GLIS1: variants seen among roughly 807,000 people sequenced by gnomAD.
GLIS1 encodes GLIS family zinc finger 1.
Under a neutral mutation model 63.8 loss-of-function variants are expected in GLIS1, and 24 were observed. The observed-to-expected ratio is 0.38, with a 90% CI of 0.27 to 0.53. GLIS1 has a LOEUF of 0.53. Among genes scored for constraint, GLIS1 ranks in the 20% least tolerant of loss-of-function variants. GLIS1 has a pLI of 0.85. For synonymous variants in GLIS1, 450 were observed against 482.5 expected (o/e 0.93, Z 0.88); for missense variants, 1,036 against 1,074.1 (o/e 0.96, Z 0.50).
chr1:53,592,714 C>A (rs1645204425), intron 4 of GLIS1, among the ~76,000 whole-genome samples: 1 of 152,244 alleles, frequency 6.6e-6, no homozygotes, highest in Non-Finnish European at 1.5e-5. Flanking sequence ...CTGTCCAATG[C>A]ACTCTCCCCA....
Position 53,524,902 on chromosome 1 carries a change from G to T in GLIS1, c.1483-15C>A. The T allele has an allele frequency of 6.3e-7, 1 of 1,580,920 alleles. No homozygotes were observed. The highest frequency in any genetic ancestry group is 2.2e-5 in the East Asian group (1 of 44,798). On this transcript the variant is annotated splice_polypyrimidine_tract_variant and intron_variant, in intron 5 of 10. Coordinates refer to ENST00000628545, the MANE Select transcript of GLIS1 (RefSeq NM_001367484.1). ...GCGTACGGCTTCTGTAACATGGGGG[G>T]CACGGGTGGGGTGAGTGAGGCCCAT...
intron 2 of GLIS1, among the ~76,000 whole-genome samples, chr1:53,673,126 C>CTT (rs1473487825): frequency 3.9e-5 from 6 of 152,178 alleles, no homozygotes; most frequent in Admixed American, 1.3e-4. Flanking sequence ...TCTGGGTCCC[C>CTT]ACAAGCCCCC....
intron 3 of GLIS1, among the ~76,000 whole-genome samples, chr1:53,599,715 A>C (rs949596562): frequency 6.6e-6 from 1 of 152,216 alleles, no homozygotes; most frequent in Non-Finnish European, 1.5e-5. Context: ...TCTGTGGGCC[A>C]TGGTCTCCTG....
chr1:53,658,697 G>T (rs1187982802), intron 2 of GLIS1, among the ~76,000 whole-genome samples: 1 of 152,192 alleles, frequency 6.6e-6, no homozygotes, highest in African/African-American at 2.4e-5. Context: ...TAGCCTGACT[G>T]CACTGGTGCT....
At position 53,675,991 on chromosome 1, in the gene GLIS1, GA is replaced by G. The variant is rs917363368; in HGVS notation, c.259+61814del. Among the ~76,000 whole-genome samples, 24 of 151,760 alleles carry G rather than the reference GA, an allele frequency of 1.6e-4. No homozygotes were observed. In the East Asian group the frequency reaches 4.2e-3, roughly 27 times the overall value. Reference sequence around the variant, plus strand: ...AATCCCCAGGCAAAAGCAGGAGGGGGAAAAAAGGCACAGTTAAGATGTGAAA... The same window carrying G: ...AATCCCCAGGCAAAAGCAGGAGGGGGAAAAAGGCACAGTTAAGATGTGAAA... On this transcript the variant is annotated intron_variant, in intron 2 of 10. Coordinates refer to ENST00000628545, the MANE Select transcript of GLIS1 (RefSeq NM_001367484.1).
intron 2 of GLIS1, among the ~76,000 whole-genome samples, chr1:53,614,181 G>A (rs145790631): frequency 2.6e-5 from 4 of 152,138 alleles, no homozygotes; most frequent in South Asian, 4.2e-4. Context: ...ACTCTTATGC[G>A]GTTTACATTC....
chr1:53,649,337 C>A (rs767569888), intron 2 of GLIS1, among the ~76,000 whole-genome samples: 13 of 152,242 alleles, frequency 8.5e-5, no homozygotes, highest in Admixed American at 3.9e-4. Flanking sequence ...ATGTTCTGTA[C>A]GACTGCAGCT....
At chr1:53,728,195 A>C (rs1225220977) in intron 2 of GLIS1, among the ~76,000 whole-genome samples, 2 of 152,220 alleles carry the variant, frequency 1.3e-5, no homozygotes, top group Non-Finnish European at 2.9e-5. Flanking sequence ...GTAATAAGAA[A>C]GGGAAGACTT....
chr1:53,528,582 G>A (rs1644495677), intron 5 of GLIS1, among the ~76,000 whole-genome samples: 1 of 152,146 alleles, frequency 6.6e-6, no homozygotes. Context: ...CAAGAACATT[G>A]CTTCCCTGCT....
At chr1:53,550,574 G>A (rs1644747958) in intron 4 of GLIS1, among the ~76,000 whole-genome samples, 1 of 152,190 alleles carries the variant, frequency 6.6e-6, no homozygotes, top group Non-Finnish European at 1.5e-5. Context: ...AACTATGAGT[G>A]GCGGAAGATA....
Position 53,600,215 on chromosome 1 carries a change from G to A in GLIS1, c.323C>T (p.Ala108Val). The A allele has an allele frequency of 2.4e-6, 3 of 1,232,056 alleles. No individual in the cohort carries two copies. Among genetic ancestry groups the A allele is most frequent in the Non-Finnish European group, 2.0e-6 (2 of 987,884 alleles). 76.3% of individuals were successfully genotyped at this position (1,232,056 alleles called of 1,614,324 possible). A position where few individuals can be genotyped will look rare whatever the true frequency, so the allele number is the denominator to read the frequency against. ...SEKSLLDLDL[A>V]EGPGPTCCQG... is the part of the protein sequence containing the mutation. ...GCAGCAGGTGGGGCCAGGGCCCTCAGCAAGGTCCAGGTCCAGCAGGCTCTT... is the reference window on the plus strand; with the variant it reads ...GCAGCAGGTGGGGCCAGGGCCCTCAACAAGGTCCAGGTCCAGCAGGCTCTT... Residue 108 changes from alanine to valine, a missense_variant, in exon 3 of 11, where the codon GCT becomes GTT. Transcript: ENST00000628545.
intron 2 of GLIS1, among the ~76,000 whole-genome samples, chr1:53,608,243 G>T (rs1267626079): frequency 6.6e-6 from 1 of 152,140 alleles, no homozygotes; most frequent in Admixed American, 6.5e-5. Context: ...GAATATAGGC[G>T]TGAGCCACTG....
chr1:53,682,593 G>T (rs1188814968), intron 2 of GLIS1, among the ~76,000 whole-genome samples: 2 of 152,246 alleles, frequency 1.3e-5, no homozygotes, highest in Non-Finnish European at 2.9e-5. Flanking sequence ...ATACACCCAC[G>T]TTCCTGTCTG....
intron 4 of GLIS1, among the ~76,000 whole-genome samples, chr1:53,555,519 G>T (rs1301803761): frequency 6.6e-6 from 1 of 152,112 alleles, no homozygotes; most frequent in Non-Finnish European, 1.5e-5. Flanking sequence ...GATAGAGTGA[G>T]ACTCTGTCTC....
chr1:53,552,150 C>A (rs1644766622), intron 4 of GLIS1, among the ~76,000 whole-genome samples: 1 of 152,142 alleles, frequency 6.6e-6, no homozygotes, highest in South Asian at 2.1e-4. Flanking sequence ...CACACACACA[C>A]TGACTGTCAC....
At chr1:53,559,533 C>A (rs576749292) in intron 4 of GLIS1, among the ~76,000 whole-genome samples, 1 of 152,176 alleles carries the variant, frequency 6.6e-6, no homozygotes. Context: ...TGATGATTGG[C>A]GAACTCCTGC....
At chr1:53,630,574 C>A (rs1645641282) in intron 2 of GLIS1, among the ~76,000 whole-genome samples, 1 of 151,888 alleles carries the variant, frequency 6.6e-6, no homozygotes, top group Non-Finnish European at 1.5e-5. Context: ...TGGCTCACTG[C>A]AACCTCTGCC....
rs567439300 is a variant in GLIS1 at position 53,562,285 on chromosome 1, G to C, written c.1320+31823C>G. On this transcript the variant is annotated intron_variant, in intron 4 of 10. Transcript: ENST00000628545. ...CCTGCACGATCATGGAGAAAGGTAA[G>C]AGTCAGCGCCTGCTTTCAAGGAGCT... Among the ~76,000 whole-genome samples the C allele has an allele frequency of 6.6e-5, 10 of 152,312 alleles. No individual in the cohort carries two copies. The East Asian group carries it at 1.9e-3, about 29-fold the overall frequency.
chr1:53,571,734 G>C (rs966744424), intron 4 of GLIS1, among the ~76,000 whole-genome samples: 3 of 152,084 alleles, frequency 2.0e-5, no homozygotes, highest in African/African-American at 7.2e-5. Context: ...CCGCCACCAT[G>C]CCCGGCTAAT....
Sources: gnomAD v4.1 joint callset for allele counts (sites outside exome capture counted in the v4.1 genomes callset) on GRCh38, gnomAD v4.1.1 for gene constraint, MANE v1.5 for transcripts, NCBI Gene and HGNC (gene_info 2026-07-23, HGNC 2026-07-21) for gene names.